The following SORD variants were observed in gnomAD, a reference collection of about 807,000 sequenced individuals.
SORD encodes sorbitol dehydrogenase.
A neutral mutation model predicts 35.6 loss-of-function variants in SORD; 18 were observed. The observed-to-expected ratio is 0.51, with a 90% CI of 0.35 to 0.75. The LOEUF (loss-of-function observed/expected upper bound fraction) is 0.75. Among genes scored for constraint, SORD ranks in the 30% least tolerant of loss-of-function variants. The pLI is 0.01. For synonymous variants in SORD, 106 were observed against 152.9 expected, an observed-to-expected ratio of 0.69 and a Z score of 2.26; for missense variants, 250 against 390.2, an observed-to-expected ratio of 0.64 and a Z score of 3.03.
intron 3 of SORD, among the ~76,000 whole-genome samples, chr15:45,056,905 T>A (rs1332110401): frequency 1.3e-5 from 2 of 152,184 alleles, no homozygotes; most frequent in African/African-American, 2.4e-5. Context: ...TTTGGAGCAC[T>A]TACAAGGCTG....
intron 3 of SORD, 117 bp from the exon 4 acceptor site, chr15:45,060,950 T>C: frequency 6.5e-7 from 1 of 1,539,672 alleles, no homozygotes; most frequent in Non-Finnish European, 8.7e-7. Context: ...ATGCAAGCCT[T>C]CATAACATCT....
Position 45,068,894 on chromosome 15 carries a change from T to C in SORD, c.628T>C (p.Leu210=). The stretch of plus-strand genomic sequence containing the variant: ...ACCTTCAGATCTGTCTGCTACCCGA[T>C]TGTCCAAAGCCAAGGAGATTGGGGC... ...VVVTDLSATR[L]SKAKEIGADL... is the part of the protein sequence containing the mutation. The change falls in exon 7 of 9, where the codon TTG becomes CTG. Residue 210 remains leucine, a synonymous_variant. Transcript: ENST00000267814. The C allele has an allele frequency of 2.0e-6, 3 of 1,529,552 alleles. No homozygotes were observed. Among genetic ancestry groups the C allele is most frequent in the Non-Finnish European group, 1.8e-6 (2 of 1,138,030 alleles). The allele number at this position is 1,529,552 out of a possible 1,614,324, so 94.7% of individuals were successfully genotyped here.
chr15:45,034,951 C>T (rs1892837742), intron 1 of SORD, among the ~76,000 whole-genome samples: 1 of 152,208 alleles, frequency 6.6e-6, no homozygotes, highest in Non-Finnish European at 1.5e-5. Flanking sequence ...CCTGCGGTTC[C>T]CGGGCAATGA....
chr15:45,045,567 A>T (rs1172138545), intron 3 of SORD, among the ~76,000 whole-genome samples: 1 of 133,758 alleles, frequency 7.5e-6, no homozygotes, highest in Non-Finnish European at 1.6e-5. Flanking sequence ...AAAAAAAAAA[A>T]AAGAGGAAGT....
chr15:45,065,787 G>A (rs1281880940), intron 5 of SORD, among the ~76,000 whole-genome samples: 2 of 152,106 alleles, frequency 1.3e-5, no homozygotes, highest in African/African-American at 4.8e-5. Flanking sequence ...AGGTGTGGTA[G>A]TGTGTGTCTG....
intron 3 of SORD, among the ~76,000 whole-genome samples, chr15:45,051,301 G>A (rs1192861336): frequency 6.6e-6 from 1 of 152,136 alleles, no homozygotes; most frequent in African/African-American, 2.4e-5. Flanking sequence ...GGAACATAAT[G>A]TTATTCACTA....
chr15:45,030,160 G>A (rs1892752502), intron 1 of SORD, among the ~76,000 whole-genome samples: 1 of 152,170 alleles, frequency 6.6e-6, no homozygotes, highest in South Asian at 2.1e-4. Flanking sequence ...ACTTGGAGGT[G>A]GAATTTCACT....
chr15:45,030,889 C>T (rs1001544124), intron 1 of SORD, among the ~76,000 whole-genome samples: 1 of 152,384 alleles, frequency 6.6e-6, no homozygotes, highest in African/African-American at 2.4e-5. Flanking sequence ...GCCTGTTGAA[C>T]AGCTGTCATG....
At chr15:45,026,513 G>C (rs1247472029) in intron 1 of SORD, among the ~76,000 whole-genome samples, 1 of 152,116 alleles carries the variant, frequency 6.6e-6, no homozygotes, top group Non-Finnish European at 1.5e-5. Flanking sequence ...TTTCTGGCTG[G>C]CTGGGGAACT....
chr15:45,051,846 T>C (rs1252756402), intron 3 of SORD, among the ~76,000 whole-genome samples: 1 of 152,224 alleles, frequency 6.6e-6, no homozygotes, highest in Non-Finnish European at 1.5e-5. Flanking sequence ...GATCAGTGCC[T>C]CGAGAAAGCC....
chr15:45,061,215 C>G lies in SORD; in HGVS notation c.414C>G (p.Ala138=), dbSNP rs377357498. The G allele has an allele frequency of 5.3e-4, 859 of 1,614,096 alleles. 1 individual carries two copies. The highest frequency in any genetic ancestry group is 6.6e-4 in the Non-Finnish European group (782 of 1,180,026). The change falls in exon 4 of 9, where the codon GCC becomes GCG. Residue 138 remains alanine (A), a synonymous_variant. Coordinates refer to ENST00000267814, the MANE Select transcript of SORD (RefSeq NM_003104.6). Reference sequence around the variant, plus strand: ...GCCGGTTCTATAAGCACAATGCAGCCTTTTGTTACAAGTTAGTGTCCACAG... The same window carrying G: ...GCCGGTTCTATAAGCACAATGCAGCGTTTTGTTACAAGTTAGTGTCCACAG... The part of the protein sequence containing the change: ...NLCRFYKHNA[A]FCYKLPDNVT...
chr15:45,053,198 C>T (rs1462971397), intron 3 of SORD, among the ~76,000 whole-genome samples: 1 of 152,176 alleles, frequency 6.6e-6, no homozygotes, highest in Non-Finnish European at 1.5e-5. Flanking sequence ...TCACAACAAG[C>T]ATACCAAGAA....
chr15:45,026,777 G>A (rs115250682), intron 1 of SORD, among the ~76,000 whole-genome samples: 989 of 152,298 alleles, frequency 6.5e-3, no homozygotes, highest in African/African-American at 0.023. Context: ...GAAGCAGGAA[G>A]CAATGTCTCA....
chr15:45,048,311 T>A (rs952905285), intron 3 of SORD, among the ~76,000 whole-genome samples: 2 of 152,186 alleles, frequency 1.3e-5, no homozygotes, highest in African/African-American at 2.4e-5. Flanking sequence ...GCAATAAAAA[T>A]TTGTCTAGCA....
intron 3 of SORD, among the ~76,000 whole-genome samples, chr15:45,046,320 G>A (rs1267541049): frequency 1.3e-5 from 2 of 152,174 alleles, no homozygotes; most frequent in African/African-American, 4.8e-5. Context: ...TCAGCTCACT[G>A]CAACCTCAGC....
intron 1 of SORD, among the ~76,000 whole-genome samples, chr15:45,038,922 T>C (rs1483589259): frequency 6.6e-6 from 1 of 152,166 alleles, no homozygotes; most frequent in Non-Finnish European, 1.5e-5. Flanking sequence ...GCACCACCCC[T>C]GAAGGAGAAA....
intron 4 of SORD, among the ~76,000 whole-genome samples, chr15:45,065,065 G>A (rs1251001368): frequency 1.3e-5 from 2 of 152,178 alleles, no homozygotes; most frequent in Non-Finnish European, 2.9e-5. Flanking sequence ...TCTGTAAAAT[G>A]GGAATGATAG....
intron 8 of SORD, among the ~76,000 whole-genome samples, chr15:45,072,920 G>A (rs1716426880): frequency 7.3e-6 from 1 of 136,956 alleles, no homozygotes; most frequent in Admixed American, 6.8e-5. Flanking sequence ...CCCTCTGGCT[G>A]GGACCCCTCT....
chr15:45,049,317 G>C (rs1893092036), intron 3 of SORD, among the ~76,000 whole-genome samples: 1 of 152,094 alleles, frequency 6.6e-6, no homozygotes, highest in Non-Finnish European at 1.5e-5. Flanking sequence ...GCTACTTTCT[G>C]CTGGAGGTGG....
Sources: allele counts gnomAD v4.1 joint callset (sites outside exome capture counted in the v4.1 genomes callset), GRCh38; gene constraint gnomAD v4.1.1; transcripts MANE v1.5; gene names NCBI Gene and HGNC (gene_info 2026-07-23, HGNC 2026-07-21).